HDAC9: variants seen among roughly 807,000 people sequenced by gnomAD.
The protein encoded by HDAC9 is histone deacetylase 9.
A neutral mutation model predicts 139.4 loss-of-function variants in HDAC9; 41 were observed. That is an observed-to-expected ratio of 0.29 (90% CI 0.23 to 0.38). HDAC9 has a LOEUF of 0.38. Ranked by LOEUF, HDAC9 falls within the 10% of genes least tolerant of loss-of-function variation. HDAC9 has a pLI of 1.00. For synonymous variants in HDAC9, 517 were observed against 476.2 expected, an observed-to-expected ratio of 1.09 and a Z score of -1.12; for missense variants, 1,147 against 1,297.0, an observed-to-expected ratio of 0.88 and a Z score of 1.78.
chr7:18,747,408 T>C (rs1788071305), intron 13 of HDAC9, among the ~76,000 whole-genome samples: 1 of 152,176 alleles, frequency 6.6e-6, no homozygotes, highest in Non-Finnish European at 1.5e-5. Context: ...AGATCTGTTT[T>C]GGAGGGAAAA....
In HDAC9 at chr7:18,616,803, C is replaced by G. The variant is rs1318512348; in HGVS notation, c.665-12547C>G. ...GTTGGCCAGAAGTCACTGCTGACCC[C>G]TTGTCAGTGGTGCTGCTGATCCATG... On this transcript the variant is annotated intron_variant, in intron 6 of 25. Transcript: ENST00000686413. Among the ~76,000 whole-genome samples, 3 of 152,126 alleles carry G rather than the reference C, an allele frequency of 2.0e-5. No homozygotes were observed. In the East Asian group the frequency reaches 5.8e-4, roughly 29 times the overall value.
At chr7:18,235,076 G>T (rs1028619926) in intron 2 of HDAC9, among the ~76,000 whole-genome samples, 4 of 152,082 alleles carry the variant, frequency 2.6e-5, no homozygotes, top group African/African-American at 9.7e-5. Context: ...TCTGAAATTT[G>T]CATTTTAATC....
intron 24 of HDAC9, among the ~76,000 whole-genome samples, chr7:18,963,708 C>T (rs186168904): frequency 4.5e-4 from 68 of 152,174 alleles, no homozygotes; most frequent in African/African-American, 1.6e-3. Flanking sequence ...AAAAAGGAAA[C>T]CATCTGTTAC....
intron 17 of HDAC9, among the ~76,000 whole-genome samples, chr7:18,825,102 CT>C (rs1447037747): frequency 6.6e-6 from 1 of 152,126 alleles, no homozygotes; most frequent in Admixed American, 6.5e-5. Flanking sequence ...TTTCAAGTGA[CT>C]TTGATATATC....
intron 2 of HDAC9, among the ~76,000 whole-genome samples, chr7:18,555,701 A>G (rs1454603109): frequency 6.6e-6 from 1 of 152,092 alleles, no homozygotes; most frequent in African/African-American, 2.4e-5. Context: ...ATTATTTCCT[A>G]ATTTCTACAA....
chr7:18,810,631 T>G (rs984190821), intron 17 of HDAC9, among the ~76,000 whole-genome samples: 4 of 151,914 alleles, frequency 2.6e-5, no homozygotes, highest in African/African-American at 7.2e-5. Context: ...CACCACAAAT[T>G]ATAAAATATT....
chr7:18,538,024 G>A (rs907071060), intron 2 of HDAC9, among the ~76,000 whole-genome samples: 2 of 152,156 alleles, frequency 1.3e-5, no homozygotes, highest in African/African-American at 4.8e-5. Context: ...GACTTACTTT[G>A]TAGTAGACCA....
At chr7:18,153,380 A>G (rs1786927152) in intron 1 of HDAC9, among the ~76,000 whole-genome samples, 1 of 152,130 alleles carries the variant, frequency 6.6e-6, no homozygotes, top group South Asian at 2.1e-4. Flanking sequence ...GAGGTTTCCC[A>G]TTGGTTACTT....
intron 2 of HDAC9, among the ~76,000 whole-genome samples, chr7:18,273,239 A>G (rs976339151): frequency 6.6e-6 from 1 of 151,284 alleles, no homozygotes; most frequent in East Asian, 1.9e-4. Context: ...GCTAATTGTT[A>G]AACTTTTTTT....
intron 2 of HDAC9, among the ~76,000 whole-genome samples, chr7:18,264,095 A>C (rs1442077928): frequency 6.6e-6 from 1 of 152,222 alleles, no homozygotes; most frequent in African/African-American, 2.4e-5. Context: ...TTTAACAATA[A>C]TAGTTGGGGA....
intron 2 of HDAC9, among the ~76,000 whole-genome samples, chr7:18,514,751 G>A (rs1802633427): frequency 6.6e-6 from 1 of 152,024 alleles, no homozygotes; most frequent in Non-Finnish European, 1.5e-5. Flanking sequence ...ACTATCCAGG[G>A]CAACATAGTG....
upstream of HDAC9, chr7:18,086,917 C>T (rs1781823862): frequency 6.9e-6 from 1 of 145,772 alleles, no homozygotes; most frequent in Non-Finnish European, 1.5e-5. Flanking sequence ...GCGGCGGCGG[C>T]GGCGGCGGCG....
intron 25 of HDAC9, among the ~76,000 whole-genome samples, chr7:18,994,999 A>C (rs1160481711): frequency 1.3e-5 from 2 of 152,234 alleles, no homozygotes; most frequent in Non-Finnish European, 2.9e-5. Context: ...TTTGTGTGGC[A>C]ACATGAGTTT....
At chr7:18,102,622 T>A (rs1782923579) in intron 1 of HDAC9, among the ~76,000 whole-genome samples, 1 of 152,238 alleles carries the variant, frequency 6.6e-6, no homozygotes, top group African/African-American at 2.4e-5. Context: ...GACTGTTAGT[T>A]GTCTCCTAGT....
intron 13 of HDAC9, among the ~76,000 whole-genome samples, chr7:18,728,109 C>T (rs1226327580): frequency 6.6e-6 from 1 of 152,148 alleles, no homozygotes; most frequent in Non-Finnish European, 1.5e-5. Flanking sequence ...TGCTTGGCTT[C>T]CTCATTTGAC....
chr7:18,634,146 G>A (rs1783171578), intron 7 of HDAC9, among the ~76,000 whole-genome samples: 2 of 151,934 alleles, frequency 1.3e-5, no homozygotes, highest in African/African-American at 2.4e-5. Flanking sequence ...ATAAGGTATA[G>A]CCTTAGTATA....
chr7:18,561,067 A>C (rs1004312677), intron 2 of HDAC9, among the ~76,000 whole-genome samples: 1 of 152,200 alleles, frequency 6.6e-6, no homozygotes, highest in African/African-American at 2.4e-5. Context: ...AAGAAACAAC[A>C]ACAAAAAAAT....
intron 22 of HDAC9, among the ~76,000 whole-genome samples, chr7:18,901,504 T>G (rs1249906863): frequency 6.6e-6 from 1 of 152,148 alleles, no homozygotes; most frequent in African/African-American, 2.4e-5. Context: ...TAAGCCTGTT[T>G]GTTATTATTA....
At chr7:18,188,062 C>G (rs997994995) in intron 2 of HDAC9, among the ~76,000 whole-genome samples, 15 of 152,108 alleles carry the variant, frequency 9.9e-5, no homozygotes, top group Admixed American at 7.9e-4. Context: ...GCAAAAAGAA[C>G]AAAGCTGGAG....
Sources: gnomAD v4.1 joint callset for allele counts (sites outside exome capture counted in the v4.1 genomes callset) on GRCh38, gnomAD v4.1.1 for gene constraint, MANE v1.5 for transcripts, NCBI Gene and HGNC (gene_info 2026-07-23, HGNC 2026-07-21) for gene names.